ASTN2: variants seen among roughly 807,000 people sequenced by gnomAD.
ASTN2 encodes the protein astrotactin-2.
Under a neutral mutation model 139.8 loss-of-function variants are expected in ASTN2, and 54 were observed. That is an observed-to-expected ratio of 0.39 (90% CI 0.31 to 0.48). The LOEUF is 0.48. ASTN2 is among the 20% of genes least tolerant of loss of function. ASTN2 has a pLI of 0.95. For missense variants in ASTN2, 1,565 were observed against 1,725.1 expected, an observed-to-expected ratio of 0.91 and a Z score of 1.64; for synonymous variants, 756 against 719.5, an observed-to-expected ratio of 1.05 and a Z score of -0.81.
intron 2 of ASTN2, among the ~76,000 whole-genome samples, chr9:117,262,174 T>G (rs982794133): frequency 2.0e-5 from 3 of 152,102 alleles, no homozygotes; most frequent in African/African-American, 4.8e-5. Context: ...CATCAATTTT[T>G]TTTGGTGGTA....
At chr9:116,732,110 T>C (rs1828800760) in intron 14 of ASTN2, among the ~76,000 whole-genome samples, 1 of 152,350 alleles carries the variant, frequency 6.6e-6, no homozygotes, top group Middle Eastern at 3.4e-3. Flanking sequence ...GGTCCCTCTT[T>C]GAAATAGCAC....
intron 3 of ASTN2, among the ~76,000 whole-genome samples, chr9:117,209,868 C>T (rs1279861896): frequency 3.3e-5 from 5 of 152,004 alleles, no homozygotes; most frequent in African/African-American, 1.2e-4. Flanking sequence ...TATCTGACCA[C>T]AGTGGAATAA....
intron 10 of ASTN2, among the ~76,000 whole-genome samples, chr9:116,945,673 A>T (rs1249576148): frequency 1.3e-5 from 2 of 151,202 alleles, no homozygotes; most frequent in African/African-American, 4.9e-5. Flanking sequence ...ACACAAGTTT[A>T]TCAAGTCCCA....
At chr9:116,774,392 G>A (rs1039865893) in intron 13 of ASTN2, among the ~76,000 whole-genome samples, 2 of 152,200 alleles carry the variant, frequency 1.3e-5, no homozygotes, top group African/African-American at 4.8e-5. Flanking sequence ...ATCCATGAAA[G>A]TAAGCTATTT....
intron 2 of ASTN2, among the ~76,000 whole-genome samples, chr9:117,237,292 T>C (rs1009551897): frequency 6.6e-6 from 1 of 152,146 alleles, no homozygotes; most frequent in Non-Finnish European, 1.5e-5. Context: ...TATTAGAATA[T>C]TTGGTCAAGG....
intron 2 of ASTN2, among the ~76,000 whole-genome samples, chr9:117,231,324 C>T (rs917092218): frequency 6.6e-6 from 1 of 152,216 alleles, no homozygotes; most frequent in Non-Finnish European, 1.5e-5. Context: ...TGCCTACATA[C>T]CTGCCATCCC....
intron 7 of ASTN2, among the ~76,000 whole-genome samples, chr9:116,994,964 A>G (rs1836970159): frequency 6.6e-6 from 1 of 152,200 alleles, no homozygotes; most frequent in Non-Finnish European, 1.5e-5. Context: ...AAGGATTGCC[A>G]TGTTGATATT....
Position 116,549,258 on chromosome 9 carries a change from GA to G in ASTN2, c.3356-61759del, listed in dbSNP as rs200260864. On this transcript the variant is annotated intron_variant, in intron 19 of 22. Coordinates refer to ENST00000313400, the MANE Select transcript of ASTN2 (RefSeq NM_001365068.1). The stretch of plus-strand genomic sequence containing the variant: ...ATGCAAAAAAGGGCAAATAAAAAAT[GA>G]AAAAAAAAAAACAGAAGGAAGTAAA... 1.3e-3 allele frequency among the ~76,000 whole-genome samples: 164 copies of G among 128,414 alleles called. 1 individual carries two copies. The highest frequency in any genetic ancestry group is 4.9e-3 in the East Asian group (22 of 4,478). The allele number at this position is 128,414 out of a possible 152,430, so 84.2% of individuals were successfully genotyped here. A position where few individuals can be genotyped will look rare whatever the true frequency, so the allele number is the denominator to read the frequency against.
rs564652670 is a variant in ASTN2 at position 117,410,004 on chromosome 9, G to T, written c.442+4493C>A. 2.8e-4 allele frequency among the ~76,000 whole-genome samples: 42 copies of T among 152,158 alleles called. 1 individual carries two copies. The highest frequency in any genetic ancestry group is 4.9e-4 in the Non-Finnish European group (33 of 68,038). On this transcript the variant is annotated intron_variant, in intron 1 of 22. Transcript: ENST00000313400. ...TCCTTTGGGACCCCGCCAGCTCTACGCATGCAGGTGTACTTAACACAGACT... is the reference window on the plus strand; with the variant it reads ...TCCTTTGGGACCCCGCCAGCTCTACTCATGCAGGTGTACTTAACACAGACT...
chr9:117,095,156 G>A (rs1009464156), intron 5 of ASTN2, among the ~76,000 whole-genome samples: 10 of 152,184 alleles, frequency 6.6e-5, no homozygotes, highest in African/African-American at 2.4e-4. Flanking sequence ...TAAAGCCCAT[G>A]GATGGATCTG....
chr9:117,414,776 C>CAGCGGCGGT lies in ASTN2; in HGVS notation c.154_162dup (p.Thr52_Ala54dup). ...CACGGGCTGTCGGGCTCCCGCGAGG[C>CAGCGGCGGT]AGCGGCGGTGGCGCCGGCCAGCAGC... On this transcript the variant is annotated inframe_insertion, in exon 1 of 23. Coordinates refer to ENST00000313400, the MANE Select transcript of ASTN2 (RefSeq NM_001365068.1). The surrounding 1 kb of genome is among the most constrained non-coding windows in gnomAD (Gnocchi z 4.2). 1 of 1,262,614 alleles carries CAGCGGCGGT rather than the reference C, an allele frequency of 7.9e-7. No homozygotes were observed. Among genetic ancestry groups the CAGCGGCGGT allele is most frequent in the Non-Finnish European group, 1.0e-6 (1 of 1,002,596 alleles). The allele number at this position is 1,262,614 out of a possible 1,614,324, so 78.2% of individuals were successfully genotyped here. A position where few individuals can be genotyped will look rare whatever the true frequency, so the allele number is the denominator to read the frequency against.
intron 5 of ASTN2, among the ~76,000 whole-genome samples, chr9:117,057,546 C>T (rs1388529395): frequency 6.6e-6 from 1 of 152,142 alleles, no homozygotes; most frequent in Non-Finnish European, 1.5e-5. Flanking sequence ...AATAGAAACC[C>T]TACTAAATTT....
intron 13 of ASTN2, among the ~76,000 whole-genome samples, chr9:116,800,177 C>T (rs1564273853): frequency 1.3e-5 from 2 of 152,122 alleles, no homozygotes; most frequent in African/African-American, 4.8e-5. Flanking sequence ...TCCCCCTTCC[C>T]CGCCTTCTGC....
rs34050784 is a variant in ASTN2 at position 116,727,013 on chromosome 9, A to AACACACAC, written c.2627-1071_2627-1064dup. Among the ~76,000 whole-genome samples, 73 of 144,532 alleles carry AACACACAC rather than the reference A, an allele frequency of 5.1e-4. 1 individual carries two copies. The highest frequency in any genetic ancestry group is 1.7e-3 in the African/African-American group (67 of 38,290). 94.8% of individuals were successfully genotyped at this position (144,532 alleles called of 152,430 possible). On this transcript the variant is annotated intron_variant, in intron 15 of 22. Coordinates refer to ENST00000313400, the MANE Select transcript of ASTN2 (RefSeq NM_001365068.1). Reference sequence around the variant, plus strand: ...CTTTCCTTGCATTCTCACTACACTCAACACACACACACACACACACACACA... The same window carrying AACACACAC: ...CTTTCCTTGCATTCTCACTACACTCAACACACACACACACACACACACACACACACACA...
chr9:116,956,482 T>C (rs1210034254), intron 10 of ASTN2, among the ~76,000 whole-genome samples: 1 of 148,166 alleles, frequency 6.7e-6, no homozygotes, highest in Non-Finnish European at 1.5e-5. Flanking sequence ...ACTTTTTATT[T>C]AACATAATAT....
chr9:116,610,408 C>T (rs890698257), intron 19 of ASTN2, among the ~76,000 whole-genome samples: 1 of 152,106 alleles, frequency 6.6e-6, no homozygotes, highest in East Asian at 1.9e-4. Context: ...AGTTTGAGAT[C>T]AGCCTGGCCA....
intron 16 of ASTN2, among the ~76,000 whole-genome samples, chr9:116,722,063 T>C (rs1828487322): frequency 6.6e-6 from 1 of 152,160 alleles, no homozygotes; most frequent in Non-Finnish European, 1.5e-5. Flanking sequence ...GAGCATAATA[T>C]GATAGTGACT....
Position 116,989,585 on chromosome 9 carries a change from G to GT in ASTN2, c.1592-12801_1592-12800insA, listed in dbSNP as rs1564373097. Reference sequence around the variant, plus strand: ...CTAATCTCATTTCTGATTATATTTGGGTTTTTTTTTTTTTTTTGATGAAGT... The same window carrying GT: ...CTAATCTCATTTCTGATTATATTTGGTGTTTTTTTTTTTTTTTTGATGAAGT... On this transcript the variant is annotated intron_variant, in intron 7 of 22. Coordinates refer to ENST00000313400, the MANE Select transcript of ASTN2 (RefSeq NM_001365068.1). Among the ~76,000 whole-genome samples, 144 of 69,450 alleles carry GT rather than the reference G, an allele frequency of 2.1e-3. 1 individual carries two copies. Among genetic ancestry groups the GT allele is most frequent in the African/African-American group, 6.5e-3 (134 of 20,710 alleles). 45.6% of individuals were successfully genotyped at this position (69,450 alleles called of 152,430 possible). A position where few individuals can be genotyped will look rare whatever the true frequency, so the allele number is the denominator to read the frequency against.
intron 4 of ASTN2, among the ~76,000 whole-genome samples, chr9:117,109,219 T>C (rs1023113008): frequency 2.6e-5 from 4 of 151,838 alleles, no homozygotes; most frequent in Non-Finnish European, 5.9e-5. Context: ...GAGGCAGAGG[T>C]TGCAGTGAGC....
Sources: allele counts gnomAD v4.1 joint callset (sites outside exome capture counted in the v4.1 genomes callset), GRCh38; gene constraint gnomAD v4.1.1; non-coding constraint Gnocchi (gnomAD v3.1); transcripts MANE v1.5; gene names NCBI Gene and HGNC (gene_info 2026-07-23, HGNC 2026-07-21).